Variants in DACH2 observed in about 807,000 individuals in gnomAD.
The protein encoded by DACH2 is dachshund homolog 2.
DACH2 carries 17 observed loss-of-function variants against 35.8 expected under a neutral mutation model. The ratio of observed to expected loss-of-function variants is 0.48; its 90% CI spans 0.33 to 0.71. The LOEUF is 0.71. DACH2 is among the 30% of genes least tolerant of loss of function. The probability of loss-of-function intolerance (pLI) is 0.02; values close to 1 mark genes in which losing one functional copy is unlikely to be tolerated. For synonymous variants in DACH2, 195 were observed against 177.3 expected (o/e 1.10, Z -0.79); for missense variants, 469 against 472.7 (o/e 0.99, Z 0.07).
intron 7 of DACH2, among the ~76,000 whole-genome samples, chrX:86,785,878 C>G (rs1290837915): frequency 4.5e-5 from 5 of 111,114 alleles, no homozygotes. Flanking sequence ...ATATTCTTCT[C>G]ATAAGTTTCA....
At chrX:86,245,810 T>C (rs1257915443) in intron 1 of DACH2, among the ~76,000 whole-genome samples, 1 of 111,889 alleles carries the variant, frequency 8.9e-6, no homozygotes, top group African/African-American at 3.2e-5. Context: ...TCTCCAGCCA[T>C]GATTTTTAAC....
chrX:86,192,106 C>T (rs1419577787), intron 1 of DACH2, among the ~76,000 whole-genome samples: 1 of 111,708 alleles, frequency 9.0e-6, no homozygotes, highest in Non-Finnish European at 1.9e-5. Flanking sequence ...TTGTTAGGTG[C>T]AGGCCTTATC....
At chrX:86,219,118 A>G (rs1417065688) in intron 1 of DACH2, among the ~76,000 whole-genome samples, 1 of 112,016 alleles carries the variant, frequency 8.9e-6, no homozygotes, top group African/African-American at 3.2e-5. Context: ...CAAATTCAGA[A>G]CGTGAGTTGA....
chrX:86,518,944 A>T (rs1262328841), intron 3 of DACH2, among the ~76,000 whole-genome samples: 5 of 112,001 alleles, frequency 4.5e-5, no homozygotes, highest in Non-Finnish European at 9.4e-5. Flanking sequence ...TGAATAGAAA[A>T]GTTCAGAAAG....
chrX:86,612,357 C>T (rs768630149), intron 3 of DACH2, among the ~76,000 whole-genome samples: 1 of 109,617 alleles, frequency 9.1e-6, no homozygotes, highest in Non-Finnish European at 1.9e-5. Context: ...TCAGCTGGCC[C>T]ACACAGGTTG....
chrX:86,287,358 A>T (rs1027541971), intron 1 of DACH2, among the ~76,000 whole-genome samples: 1 of 110,681 alleles, frequency 9.0e-6, no homozygotes, highest in Non-Finnish European at 1.9e-5. Context: ...AAATGCTTTG[A>T]GTTAGTCTTC....
At chrX:86,466,228 A>G (rs941802603) in intron 2 of DACH2, among the ~76,000 whole-genome samples, 1 of 111,506 alleles carries the variant, frequency 9.0e-6, no homozygotes. Flanking sequence ...GACTTATTCA[A>G]TTCACTACTA....
intron 1 of DACH2, among the ~76,000 whole-genome samples, chrX:86,328,532 G>A (rs1017298239): frequency 9.0e-6 from 1 of 111,450 alleles, no homozygotes; most frequent in Non-Finnish European, 1.9e-5. Context: ...CTCATTTCCC[G>A]AGAGGAACAA....
intron 3 of DACH2, among the ~76,000 whole-genome samples, chrX:86,622,940 G>T (rs1164714500): frequency 8.9e-6 from 1 of 111,779 alleles, no homozygotes; most frequent in South Asian, 3.7e-4. Flanking sequence ...AGGTATGTTT[G>T]TGAGTACTAT....
At chrX:86,442,391 GTT>G (rs754462295) in intron 2 of DACH2, among the ~76,000 whole-genome samples, 11 of 70,507 alleles carry the variant, frequency 1.6e-4, no homozygotes, top group Non-Finnish European at 2.5e-4. Flanking sequence ...GTGTGTGTAT[GTT>G]TTTTTTTTTT....
chrX:86,533,790 C>A (rs1012049315), intron 3 of DACH2, among the ~76,000 whole-genome samples: 11 of 111,382 alleles, frequency 9.9e-5, no homozygotes, highest in African/African-American at 3.6e-4. Context: ...CTTACAAATT[C>A]TTTGGTGCCA....
chrX:86,382,983 A>G (rs2036069250), intron 2 of DACH2, among the ~76,000 whole-genome samples: 1 of 110,705 alleles, frequency 9.0e-6, no homozygotes, highest in Non-Finnish European at 1.9e-5. Context: ...TAGTTTAAGC[A>G]TACTCTGGAA....
At chrX:86,799,054 T>C in intron 7 of DACH2, 1 of 295,125 alleles carries the variant, frequency 3.4e-6, no homozygotes, top group Non-Finnish European at 6.4e-6. Flanking sequence ...TGGTATTCTT[T>C]CCCAAAGATA....
rs552277035 is a variant in DACH2 at position 86,528,834 on chromosome X, A to G, written c.640+14443A>G. 2.3e-3 allele frequency among the ~76,000 whole-genome samples: 261 copies of G among 112,373 alleles called. 2 individuals carry two copies. The highest frequency in any genetic ancestry group is 8.2e-3 in the African/African-American group (255 of 30,963). On this transcript the variant is annotated intron_variant, in intron 3 of 11. Transcript: ENST00000373125. The stretch of plus-strand genomic sequence containing the variant: ...AAATATATTATACTTGTACATATTT[A>G]TGAAGTACATGTGAAATGCTATTAC...
At chrX:86,767,369 A>T (rs2041945422) in intron 7 of DACH2, among the ~76,000 whole-genome samples, 1 of 111,809 alleles carries the variant, frequency 8.9e-6, no homozygotes. Context: ...TCCTAGTTTG[A>T]GCATAATATC....
chrX:86,163,604 A>G (rs2030841492), intron 1 of DACH2, among the ~76,000 whole-genome samples: 1 of 110,707 alleles, frequency 9.0e-6, no homozygotes, highest in Non-Finnish European at 1.9e-5. Context: ...CCACTCAAGT[A>G]TATCCCAATG....
At chrX:86,588,720 A>G (rs2039606187) in intron 3 of DACH2, among the ~76,000 whole-genome samples, 1 of 111,173 alleles carries the variant, frequency 9.0e-6, no homozygotes, top group South Asian at 3.8e-4. Context: ...TTTGAATCCT[A>G]AACCTTTCCT....
At chrX:86,378,243 C>CAT (rs200551882) in intron 2 of DACH2, among the ~76,000 whole-genome samples, 4,206 of 108,235 alleles carry the variant, frequency 0.039, 111 homozygotes, top group East Asian at 0.2. Context: ...TTCATATGTA[C>CAT]ATATATATAT....
Position 86,398,973 on chromosome X carries a change from T to G in DACH2, c.527+22111T>G, listed in dbSNP as rs1329635503. 4.5e-5 allele frequency among the ~76,000 whole-genome samples: 5 copies of G among 111,657 alleles called. No homozygotes were observed. In the Admixed American group the frequency reaches 4.8e-4, roughly 11 times the overall value. ...TTCTGTCTCATTGATCTGTCTAATG[T>G]TGACAGTGGGGTGTTAAAGTCTCCC... On this transcript the variant is annotated intron_variant, in intron 2 of 11. Transcript: ENST00000373125.
Sources: gnomAD v4.1 joint callset for allele counts (sites outside exome capture counted in the v4.1 genomes callset) on GRCh38, gnomAD v4.1.1 for gene constraint, MANE v1.5 for transcripts, NCBI Gene and HGNC (gene_info 2026-07-23, HGNC 2026-07-21) for gene names.